NAP1L1: variants seen among roughly 807,000 people sequenced by gnomAD.
The protein encoded by NAP1L1 is nucleosome assembly protein 1-like 1.
A neutral mutation model predicts 58.9 loss-of-function variants in NAP1L1; 9 were observed. That is an observed-to-expected ratio of 0.15 (90% CI 0.09 to 0.27). NAP1L1 has a LOEUF of 0.27. Ranked by LOEUF, NAP1L1 falls within the 10% of genes least tolerant of loss-of-function variation. The pLI is 1.00. For synonymous variants in NAP1L1, 130 were observed against 138.3 expected, an observed-to-expected ratio of 0.94 and a Z score of 0.42; for missense variants, 302 against 458.8, an observed-to-expected ratio of 0.66 and a Z score of 3.12.
chr12:76,082,812 T>C (rs929082869), intron 1 of NAP1L1, among the ~76,000 whole-genome samples: 2 of 152,234 alleles, frequency 1.3e-5, no homozygotes, highest in African/African-American at 4.8e-5. Flanking sequence ...AGGTAATGTA[T>C]ATTACTTCCA....
chr12:76,061,492 T>C (rs1000133232), intron 4 of NAP1L1, among the ~76,000 whole-genome samples: 2 of 152,228 alleles, frequency 1.3e-5, no homozygotes, highest in Admixed American at 1.3e-4. Context: ...TATTACGTGG[T>C]GTATACATTT....
rs770846357 is a variant in NAP1L1, at chr12:76,060,185, C to A, written c.301G>T (p.Asp101Tyr). 1 of 1,613,446 alleles carries A rather than the reference C, an allele frequency of 6.2e-7. No individual in the cohort carries two copies. The highest frequency in any genetic ancestry group is 8.5e-7 in the Non-Finnish European group (1 of 1,179,576). The change falls in exon 5 of 15, where the codon GAT becomes TAT. Residue 101 changes from aspartate to tyrosine, a missense_variant. Asp to Tyr is a radical substitution (Grantham distance 160). Coordinates refer to ENST00000618691, the MANE Select transcript of NAP1L1 (RefSeq NM_004537.7). ...AGAACAGCATACTTCCTTTCAAGAT[C>A]GTGAACTTCCTCATAGAATTTGGCT... ...IEAKFYEEVHDLERKYAVLYQ... is the reference protein window; with the variant it reads ...IEAKFYEEVHYLERKYAVLYQ...
intron 1 of NAP1L1, among the ~76,000 whole-genome samples, chr12:76,078,393 T>C (rs1210881576): frequency 2.0e-5 from 3 of 152,146 alleles, no homozygotes; most frequent in African/African-American, 7.2e-5. Flanking sequence ...CAGACACCTG[T>C]ATATCAAAAT....
chr12:76,058,752 T>C (rs762267518), intron 6 of NAP1L1, among the ~76,000 whole-genome samples: 2 of 152,312 alleles, frequency 1.3e-5, no homozygotes, highest in Non-Finnish European at 2.9e-5. Context: ...TTTTGTTGAT[T>C]ATTTTACTGA....
At chr12:76,059,977 A>G in intron 5 of NAP1L1, 99 bp from the exon 6 acceptor site, 5 of 1,203,040 alleles carry the variant, frequency 4.2e-6, no homozygotes, top group Non-Finnish European at 4.7e-6. Flanking sequence ...TAACAAATGC[A>G]TACCACAACT....
rs370006077 is a variant in NAP1L1 at position 76,060,334 on chromosome 12, CT to C, written c.207-56del. 3.5e-5 allele frequency: 54 copies of C among 1,551,446 alleles called. No homozygotes were observed. In the East Asian group the frequency reaches 9.9e-4, roughly 29 times the overall value. On this transcript the variant is annotated intron_variant, in intron 4 of 14. Transcript: ENST00000618691. ...TCAGAGTAAAATGGAAGTCACACTT[CT>C]TTTGTCATACTGAAACTGAAGCATT...
intron 7 of NAP1L1, 136 bp from the exon 8 acceptor site, chr12:76,055,226 TA>T: frequency 1.9e-6 from 1 of 532,158 alleles, no homozygotes. Flanking sequence ...CCTTAAGACT[TA>T]CTCTCCAGGT....
chr12:76,084,579 T>TG lies in NAP1L1; in HGVS notation c.-34dup. The TG allele has an allele frequency of 6.6e-6, 1 of 152,286 alleles. No individual in the cohort carries two copies. Among genetic ancestry groups the TG allele is most frequent in the Non-Finnish European group, 1.5e-5 (1 of 68,308 alleles). The allele number at this position is 152,286 out of a possible 1,614,324, so 9.4% of individuals were successfully genotyped here. A position where few individuals can be genotyped will look rare whatever the true frequency, so the allele number is the denominator to read the frequency against. ...CCCCATCCGTTACCGGCGACTAGTA[T>TG]GGGGAGCCAGGCGGCCGGAGCTGCG... On this transcript the variant is annotated 5_prime_UTR_variant, in exon 1 of 15. Transcript: ENST00000618691.
chr12:76,077,068 GA>G (rs1428835287), intron 1 of NAP1L1, among the ~76,000 whole-genome samples: 1 of 152,118 alleles, frequency 6.6e-6, no homozygotes, highest in East Asian at 1.9e-4. Context: ...GTCAAAAACA[GA>G]AACAAAACCT....
At chr12:76,063,697 T>G (rs932497086) in intron 4 of NAP1L1, among the ~76,000 whole-genome samples, 2 of 151,988 alleles carry the variant, frequency 1.3e-5, no homozygotes, top group Non-Finnish European at 2.9e-5. Flanking sequence ...CTTGGGAGGC[T>G]GAGGCAGGAG....
At position 76,040,627 on chromosome 12, in the gene NAP1L1, T is replaced by C. The variant is rs1948543000; in HGVS notation, c.*7802A>G. The C allele has an allele frequency of 1.3e-5, 2 of 151,596 alleles. No individual in the cohort carries two copies. The highest frequency in any genetic ancestry group is 2.1e-4 in the South Asian group (1 of 4,838). The allele number at this position is 151,596 out of a possible 1,614,324, so 9.4% of individuals were successfully genotyped here. Reference sequence around the variant, plus strand: ...ACCTCCCGAGTTCAGTCAATTCTTGTGGGCTCACTGCAACCTCCACCTCCA... The same window carrying C: ...ACCTCCCGAGTTCAGTCAATTCTTGCGGGCTCACTGCAACCTCCACCTCCA... On this transcript the variant is annotated 3_prime_UTR_variant, in exon 15 of 15. Coordinates refer to ENST00000618691, the MANE Select transcript of NAP1L1 (RefSeq NM_004537.7).
intron 1 of NAP1L1, among the ~76,000 whole-genome samples, chr12:76,080,996 G>C (rs879407101): frequency 2.0e-5 from 3 of 152,068 alleles, no homozygotes; most frequent in Non-Finnish European, 4.4e-5. Flanking sequence ...GGAACCTTCA[G>C]AGTCTCCACA....
At chr12:76,079,266 C>T (rs1250243242) in intron 1 of NAP1L1, among the ~76,000 whole-genome samples, 2 of 152,150 alleles carry the variant, frequency 1.3e-5, no homozygotes, top group African/African-American at 2.4e-5. Context: ...TAGCTCACGT[C>T]TATAGTCTCA....
At position 76,053,358 on chromosome 12, in the gene NAP1L1, A is replaced by G. The variant is rs1948929213; in HGVS notation, c.771-8T>C. On this transcript the variant is annotated splice_region_variant and splice_polypyrimidine_tract_variant and intron_variant, in intron 9 of 14. Transcript: ENST00000618691. ...TTCCAATCTATCTGGCACCTTGCAA[A>G]ACAAAGAAGAAAAATCTATTACAAT... is the stretch of plus-strand genomic sequence containing the variant. 1 of 1,604,486 alleles carries G rather than the reference A, an allele frequency of 6.2e-7. No individual in the cohort carries two copies. Among genetic ancestry groups the G allele is most frequent in the Non-Finnish European group, 8.5e-7 (1 of 1,177,330 alleles).
chr12:76,083,642 C>T (rs1159702126), intron 1 of NAP1L1, among the ~76,000 whole-genome samples: 1 of 152,140 alleles, frequency 6.6e-6, no homozygotes, highest in Non-Finnish European at 1.5e-5. Flanking sequence ...ACCTGGGAAA[C>T]ACAATAACAA....
At chr12:76,074,995 T>C (rs1375110491) in intron 1 of NAP1L1, among the ~76,000 whole-genome samples, 4 of 152,222 alleles carry the variant, frequency 2.6e-5, no homozygotes, top group African/African-American at 9.7e-5. Context: ...ATATCCTAAG[T>C]TCCTTCTCAC....
chr12:76,049,492 T>C, intron 13 of NAP1L1: 2 of 1,535,690 alleles, frequency 1.3e-6, no homozygotes, highest in Non-Finnish European at 1.7e-6. Context: ...AAAAGTTTAC[T>C]GCAGCTTTTG....
Position 76,057,368 on chromosome 12 carries a change from C to A in NAP1L1, c.430-1207G>T, listed in dbSNP as rs1205991819. On this transcript the variant is annotated intron_variant, in intron 6 of 14. Coordinates refer to ENST00000618691, the MANE Select transcript of NAP1L1 (RefSeq NM_004537.7). ...GGTGGTGCCAGGTTGAATAACAGTT[C>A]ATCTGCATTATCATTCTTACAAAAA... 25 of 404,338 alleles carry A rather than the reference C, an allele frequency of 6.2e-5. No homozygotes were observed. In the Admixed American group the frequency reaches 8.6e-4, roughly 14 times the overall value. 25.0% of individuals were successfully genotyped at this position (404,338 alleles called of 1,614,324 possible). A position where few individuals can be genotyped will look rare whatever the true frequency, so the allele number is the denominator to read the frequency against.
chr12:76,054,963 T>C, intron 8 of NAP1L1, 56 bp downstream of exon 8: 1 of 1,280,698 alleles, frequency 7.8e-7, no homozygotes. Flanking sequence ...TAAAAGCTTC[T>C]ATTTATCTAC....
Sources: gnomAD v4.1 joint callset for allele counts (sites outside exome capture counted in the v4.1 genomes callset) on GRCh38, gnomAD v4.1.1 for gene constraint, MANE v1.5 for transcripts, NCBI Gene and HGNC (gene_info 2026-07-23, HGNC 2026-07-21) for gene names.